The following PPP2R2B variants were observed in gnomAD, a reference collection of about 807,000 sequenced individuals.
PPP2R2B encodes the protein serine/threonine-protein phosphatase 2A 55 kDa regulatory subunit B beta isoform.
Under a neutral mutation model 46.0 loss-of-function variants are expected in PPP2R2B, and 5 were observed. That is an observed-to-expected ratio of 0.11 (90% CI 0.06 to 0.23). The LOEUF (loss-of-function observed/expected upper bound fraction) is 0.23. PPP2R2B is among the 10% of genes least tolerant of loss of function. PPP2R2B has a pLI of 1.00. For missense variants in PPP2R2B, 367 were observed against 575.0 expected, an observed-to-expected ratio of 0.64 and a Z score of 3.70; for synonymous variants, 215 against 206.7, an observed-to-expected ratio of 1.04 and a Z score of -0.34.
At chr5:146,686,098 T>C (rs1388465622) in intron 5 of PPP2R2B, among the ~76,000 whole-genome samples, 4 of 152,198 alleles carry the variant, frequency 2.6e-5, no homozygotes, top group African/African-American at 9.7e-5. Context: ...CCATGAGATT[T>C]TGGGCAAACT....
At chr5:146,838,641 A>T (rs1294665339) in intron 2 of PPP2R2B, among the ~76,000 whole-genome samples, 1 of 152,094 alleles carries the variant, frequency 6.6e-6, no homozygotes, top group Non-Finnish European at 1.5e-5. Context: ...TGGGAAGGAA[A>T]GCATACAAAA....
intron 1 of PPP2R2B, among the ~76,000 whole-genome samples, chr5:146,904,960 T>C (rs1762950935): frequency 6.6e-6 from 1 of 152,078 alleles, no homozygotes; most frequent in South Asian, 2.1e-4. Flanking sequence ...AAATCAATAA[T>C]TAAAAGACAA....
chr5:146,833,719 G>A lies in PPP2R2B; in HGVS notation c.70+44283C>T, dbSNP rs150291562. On this transcript the variant is annotated intron_variant, in intron 2 of 9. Transcript: ENST00000394411. Reference sequence around the variant, plus strand: ...GGCGGGCCGTGTCTCTTCTTTTTCTGTCTCTCTCCCCCTGCCCTTCCCCAT... The same window carrying A: ...GGCGGGCCGTGTCTCTTCTTTTTCTATCTCTCTCCCCCTGCCCTTCCCCAT... Among the ~76,000 whole-genome samples the A allele has an allele frequency of 2.6e-5, 4 of 151,944 alleles. No homozygotes were observed. In the East Asian group the frequency reaches 7.7e-4, roughly 29 times the overall value.
At chr5:146,774,836 AAG>A (rs936275493) in intron 2 of PPP2R2B, among the ~76,000 whole-genome samples, 5 of 151,934 alleles carry the variant, frequency 3.3e-5, no homozygotes, top group East Asian at 1.9e-4. Context: ...AAAAAAAGAA[AAG>A]AGAGAGAATA....
In PPP2R2B at chr5:146,804,166, C is replaced by CA. The variant is rs559681616; in HGVS notation, c.70+73835dup. Among the ~76,000 whole-genome samples the CA allele has an allele frequency of 1.9e-3, 252 of 133,248 alleles. 1 individual carries two copies. The highest frequency in any genetic ancestry group is 5.3e-3 in the South Asian group (22 of 4,184). 87.4% of individuals were successfully genotyped at this position (133,248 alleles called of 152,430 possible). A position where few individuals can be genotyped will look rare whatever the true frequency, so the allele number is the denominator to read the frequency against. On this transcript the variant is annotated intron_variant, in intron 2 of 9. Transcript: ENST00000394411. ...TGGGTGACAGAGGGAGACTCTGTCT[C>CA]AAAAAAAAAAAATTATATTATATAA... is the stretch of plus-strand genomic sequence containing the variant.
intron 9 of PPP2R2B, among the ~76,000 whole-genome samples, chr5:146,591,587 C>T (rs898665063): frequency 2.0e-5 from 3 of 150,818 alleles, no homozygotes; most frequent in Admixed American, 6.6e-5. Flanking sequence ...AGTATTCAGC[C>T]GGTTGGCCTC....
At chr5:146,895,164 C>T (rs990181912) in intron 1 of PPP2R2B, among the ~76,000 whole-genome samples, 9 of 152,218 alleles carry the variant, frequency 5.9e-5, no homozygotes, top group Non-Finnish European at 1.2e-4. Context: ...TCCATGTATG[C>T]TCCACCTGAA....
intron 1 of PPP2R2B, among the ~76,000 whole-genome samples, chr5:146,904,283 G>T (rs1417520713): frequency 6.6e-6 from 1 of 152,042 alleles, no homozygotes; most frequent in African/African-American, 2.4e-5. Flanking sequence ...AAGTATGAAA[G>T]GTCAGTATTC....
At chr5:146,719,014 C>A (rs1040036068) in intron 2 of PPP2R2B, among the ~76,000 whole-genome samples, 3 of 152,204 alleles carry the variant, frequency 2.0e-5, no homozygotes, top group African/African-American at 7.2e-5. Context: ...AGCACAGAAT[C>A]CCAAGACGAA....
chr5:146,950,310 T>G (rs1040638546), intron 1 of PPP2R2B, among the ~76,000 whole-genome samples: 1 of 151,992 alleles, frequency 6.6e-6, no homozygotes, highest in Admixed American at 6.6e-5. Context: ...ATAGATAATT[T>G]ATGTTAAAGA....
intron 8 of PPP2R2B, among the ~76,000 whole-genome samples, chr5:146,596,511 G>A (rs1235887517): frequency 3.3e-5 from 5 of 152,110 alleles, no homozygotes; most frequent in African/African-American, 9.7e-5. Context: ...ATTACTTCAC[G>A]TAAAAGCTAG....
intron 8 of PPP2R2B, among the ~76,000 whole-genome samples, chr5:146,598,747 G>C (rs1405640545): frequency 6.6e-6 from 1 of 152,068 alleles, no homozygotes; most frequent in Non-Finnish European, 1.5e-5. Context: ...CAAGAATCTG[G>C]CTACCTTCAT....
At chr5:146,787,658 C>T (rs1472475939) in intron 2 of PPP2R2B, among the ~76,000 whole-genome samples, 3 of 152,110 alleles carry the variant, frequency 2.0e-5, no homozygotes, top group Admixed American at 2.0e-4. Context: ...ACCTTCACCT[C>T]CCAGATTGAA....
intron 6 of PPP2R2B, among the ~76,000 whole-genome samples, chr5:146,646,308 A>G (rs949301240): frequency 1.3e-5 from 2 of 152,222 alleles, no homozygotes; most frequent in African/African-American, 4.8e-5. Context: ...TCCTGCAAAA[A>G]GAGTTCAAAG....
rs192743111 is a variant in PPP2R2B, at chr5:146,688,609, C to A, written c.447+2519G>T. Among the ~76,000 whole-genome samples the A allele has an allele frequency of 1.5e-3, 223 of 152,254 alleles. 3 individuals carry two copies. Among genetic ancestry groups the A allele is most frequent in the Admixed American group, 0.013 (194 of 15,292 alleles). On this transcript the variant is annotated intron_variant, in intron 5 of 9. Transcript: ENST00000394411. ...AATTTTCCAACTCCCAGCCACACCT[C>A]AGGGCCTCCTTCTCTGTTTCATCTG... is the stretch of plus-strand genomic sequence containing the variant.
At chr5:146,620,172 G>A (rs1359380469) in intron 7 of PPP2R2B, among the ~76,000 whole-genome samples, 1 of 152,152 alleles carries the variant, frequency 6.6e-6, no homozygotes, top group African/African-American at 2.4e-5. Flanking sequence ...ACTTTCTTAC[G>A]AAGGAGACTC....
chr5:147,075,580 C>T (rs966899570), intron 2 of PPP2R2B, among the ~76,000 whole-genome samples: 4 of 152,126 alleles, frequency 2.6e-5, no homozygotes, highest in African/African-American at 7.2e-5. Context: ...CTCATAGCTA[C>T]TTCCTATTAA....
chr5:146,795,509 G>C lies in PPP2R2B; in HGVS notation c.70+82493C>G, dbSNP rs181056724. Among the ~76,000 whole-genome samples, 100 of 152,216 alleles carry C rather than the reference G, an allele frequency of 6.6e-4. No individual in the cohort carries two copies. In the East Asian group the frequency reaches 0.012, roughly 18 times the overall value. On this transcript the variant is annotated intron_variant, in intron 2 of 9. Transcript: ENST00000394411. ...TGAACTCATAGAAACAGAGTAGAAG[G>C]GTGATTACCAGGGGTTGAGGAGTGA...
intron 2 of PPP2R2B, among the ~76,000 whole-genome samples, chr5:146,729,866 C>T (rs946880223): frequency 1.3e-5 from 2 of 152,218 alleles, no homozygotes; most frequent in Admixed American, 1.3e-4. Context: ...TCATGGAGAA[C>T]CTCTGCTAGG....
Sources: gnomAD v4.1 joint callset for allele counts (sites outside exome capture counted in the v4.1 genomes callset) on GRCh38, gnomAD v4.1.1 for gene constraint, MANE v1.5 for transcripts, NCBI Gene and HGNC (gene_info 2026-07-23, HGNC 2026-07-21) for gene names.